The following FREM3 variants were observed in gnomAD, a reference collection of about 807,000 sequenced individuals.
FREM3 encodes FRAS1 related extracellular matrix 3, also known as FRAS1-related extracellular matrix protein 3.
FREM3 carries 105 observed loss-of-function variants against 129.1 expected under a neutral mutation model. The observed-to-expected ratio is 0.81, with a 90% CI of 0.69 to 0.96. The LOEUF is 0.96. FREM3 is among the 40% of genes least tolerant of loss of function. The pLI, the probability that FREM3 is intolerant of heterozygous loss-of-function variation, is 0.00. For synonymous variants in FREM3, 1,014 were observed against 1,044.9 expected (o/e 0.97, Z 0.57); for missense variants, 2,593 against 2,666.3 (o/e 0.97, Z 0.61).
intron 4 of FREM3, among the ~76,000 whole-genome samples, chr4:143,622,092 T>A (rs1360160981): frequency 7.8e-6 from 1 of 128,312 alleles, no homozygotes; most frequent in Non-Finnish European, 1.6e-5. Flanking sequence ...GGCAATCACC[T>A]TTTTTTTTTT....
chr4:143,606,164 G>A (rs1045367700), intron 6 of FREM3, among the ~76,000 whole-genome samples: 2 of 152,136 alleles, frequency 1.3e-5, no homozygotes, highest in Admixed American at 6.5e-5. Context: ...AGAATGAGAC[G>A]ATGCTACAGA....
intron 2 of FREM3, among the ~76,000 whole-genome samples, chr4:143,654,448 G>A (rs1026935813): frequency 6.6e-6 from 1 of 152,108 alleles, no homozygotes; most frequent in African/African-American, 2.4e-5. Context: ...TTAATAACTT[G>A]GAATGTAATA....
chr4:143,611,488 G>A lies in FREM3; in HGVS notation c.5819C>T (p.Ser1940Phe). The change falls in exon 6 of 8, where the codon TCT (serine) becomes TTT (phenylalanine). Residue 1940 changes from serine (S) to phenylalanine (F), a missense_variant. Ser to Phe is a radical substitution (Grantham distance 155). This residue lies in a region of FREM3 where 317 missense variants were observed against 399.0 expected (regional missense o/e 0.79). Transcript: ENST00000329798. The part of the protein sequence containing the change: ...TGTISSTVLF[S>F]DYISRPEDHT... ...GTCTTCTGGACGTGAGATGTAATCA[G>A]AGAATAACACTGTGGAAGAAATCGT... is the stretch of plus-strand genomic sequence containing the variant. 6.5e-7 allele frequency: 1 copy of A among 1,537,096 alleles called. No homozygotes were observed. The highest frequency in any genetic ancestry group is 8.7e-7 in the Non-Finnish European group (1 of 1,146,766).
At chr4:143,594,374 C>G (rs1449147129) in intron 6 of FREM3, among the ~76,000 whole-genome samples, 1 of 152,172 alleles carries the variant, frequency 6.6e-6, no homozygotes, top group Non-Finnish European at 1.5e-5. Context: ...TGGCTCCACC[C>G]TCTGTCCTGT....
intron 6 of FREM3, among the ~76,000 whole-genome samples, chr4:143,605,870 C>T (rs1738659975): frequency 6.6e-6 from 1 of 151,996 alleles, no homozygotes; most frequent in Admixed American, 6.6e-5. Flanking sequence ...TAATTTAATG[C>T]CATTTCTATT....
In FREM3 at chr4:143,663,701, AC is replaced by A. The variant is rs1212567026; in HGVS notation, c.5275+29411del. 3.9e-5 allele frequency among the ~76,000 whole-genome samples: 6 copies of A among 152,160 alleles called. No individual in the cohort carries two copies. In the East Asian group the frequency reaches 1.2e-3, roughly 29 times the overall value. On this transcript the variant is annotated intron_variant, in intron 2 of 7. Coordinates refer to ENST00000329798, the MANE Select transcript of FREM3 (RefSeq NM_001168235.2). ...GTGTTTTCCAACTTGGTTCCATTCT[AC>A]CCATCACTTTCAGGTACACCAATCA...
chr4:143,586,000 A>C lies in FREM3; in HGVS notation c.6029-7T>G. 4 of 1,537,472 alleles carry C rather than the reference A, an allele frequency of 2.6e-6. No homozygotes were observed. Among genetic ancestry groups the C allele is most frequent in the Non-Finnish European group, 3.5e-6 (4 of 1,146,892 alleles). ...CCAAAGTGCAGGACAGGTTCTAAAG[A>C]GGCAAAAAAAGATACACTAAGAATG... is the stretch of plus-strand genomic sequence containing the variant. On this transcript the variant is annotated splice_region_variant and splice_polypyrimidine_tract_variant and intron_variant, in intron 6 of 7. Transcript: ENST00000329798. The surrounding 1 kb of genome is among the most constrained non-coding windows in gnomAD (Gnocchi z 4.2).
chr4:143,628,478 C>T (rs1497607), intron 2 of FREM3, among the ~76,000 whole-genome samples: 146,733 of 152,172 alleles, frequency 0.96, 70,979 homozygotes, highest in East Asian at 1. Flanking sequence ...AATAATCACC[C>T]GTGAAAAGAT....
In FREM3 at chr4:143,680,088, T is replaced by C. The variant is rs1047189831; in HGVS notation, c.5275+13025A>G. On this transcript the variant is annotated intron_variant, in intron 2 of 7. Transcript: ENST00000329798. ...CCTTCTAATAATAATAAAATGGTCA[T>C]TGTAAAGCATTTACACAAGAAAATG... 3.9e-5 allele frequency among the ~76,000 whole-genome samples: 6 copies of C among 152,086 alleles called. No homozygotes were observed. In the East Asian group the frequency reaches 1.2e-3, roughly 29 times the overall value.
chr4:143,629,987 A>G (rs17017982), intron 2 of FREM3, among the ~76,000 whole-genome samples: 2,386 of 152,264 alleles, frequency 0.016, 67 homozygotes, highest in East Asian at 0.12. Flanking sequence ...GAAGGGTTTA[A>G]CAATTAGAGA....
chr4:143,693,244 A>G, intron 1 of FREM3, 42 bp from the exon 2 acceptor site: 1 of 1,000,344 alleles, frequency 1.0e-6, no homozygotes, highest in Non-Finnish European at 1.4e-6. Flanking sequence ...TATTGGCACA[A>G]ATGAAAATGA....
At chr4:143,655,619 CTTCTAGG>C (rs1217141370) in intron 2 of FREM3, among the ~76,000 whole-genome samples, 12 of 152,314 alleles carry the variant, frequency 7.9e-5, no homozygotes, top group Admixed American at 2.6e-4. Context: ...CATCTCTTAA[CTTCTAGG>C]TCCATATGGC....
At chr4:143,593,152 G>T (rs1174764039) in intron 6 of FREM3, among the ~76,000 whole-genome samples, 1 of 152,110 alleles carries the variant, frequency 6.6e-6, no homozygotes, top group Non-Finnish European at 1.5e-5. Context: ...TTTTTTCAAA[G>T]TTTTTAACTT....
intron 2 of FREM3, among the ~76,000 whole-genome samples, chr4:143,662,438 C>T (rs1339044285): frequency 3.3e-5 from 5 of 152,142 alleles, no homozygotes; most frequent in Non-Finnish European, 5.9e-5. Flanking sequence ...TTTGATTGCA[C>T]TGTGGTCTGA....
chr4:143,692,890 C>T (rs1740498567), intron 2 of FREM3, among the ~76,000 whole-genome samples: 1 of 152,130 alleles, frequency 6.6e-6, no homozygotes, highest in Non-Finnish European at 1.5e-5. Flanking sequence ...TCATCAAATT[C>T]CTCATTGCTT....
chr4:143,585,841 C>T lies in FREM3; in HGVS notation c.6178+3G>A. Reference sequence around the variant, plus strand: ...TGATATATTCTTTAAGTGGCCCTCTCACCTTCTGCTGACTCCTGCTCTGAC... The same window carrying T: ...TGATATATTCTTTAAGTGGCCCTCTTACCTTCTGCTGACTCCTGCTCTGAC... On this transcript the variant is annotated splice_donor_region_variant and intron_variant, in intron 7 of 7. Coordinates refer to ENST00000329798, the MANE Select transcript of FREM3 (RefSeq NM_001168235.2). The surrounding 1 kb of genome is among the most constrained non-coding windows in gnomAD (Gnocchi z 4.2). The T allele has an allele frequency of 6.5e-7, 1 of 1,537,132 alleles. No homozygotes were observed. The highest frequency in any genetic ancestry group is 8.7e-7 in the Non-Finnish European group (1 of 1,146,854).
At chr4:143,611,182 TA>T in intron 6 of FREM3, 96 bp downstream of exon 6, 1 of 1,315,076 alleles carries the variant, frequency 7.6e-7, no homozygotes, top group Non-Finnish European at 1.0e-6. Flanking sequence ...AATATTCTTT[TA>T]AAAGATAATT....
chr4:143,690,149 G>A (rs1740440275), intron 2 of FREM3, among the ~76,000 whole-genome samples: 1 of 152,084 alleles, frequency 6.6e-6, no homozygotes. Flanking sequence ...CTAAGTTTGT[G>A]GTAATTTGTT....
At chr4:143,623,172 A>G (rs1399726530) in intron 4 of FREM3, among the ~76,000 whole-genome samples, 1 of 152,238 alleles carries the variant, frequency 6.6e-6, no homozygotes, top group Non-Finnish European at 1.5e-5. Context: ...ACAAAATTAA[A>G]TGGGTTTCTT....
Sources: gnomAD v4.1 joint callset for allele counts (sites outside exome capture counted in the v4.1 genomes callset) on GRCh38, gnomAD v4.1.1 for gene constraint, gnomAD v4.1.1 regional missense constraint, Gnocchi (gnomAD v3.1) non-coding constraint, MANE v1.5 for transcripts, NCBI Gene and HGNC (gene_info 2026-07-23, HGNC 2026-07-21) for gene names.